The following AFF3 variants were observed in gnomAD, a reference collection of about 807,000 sequenced individuals.
The protein encoded by AFF3 is ALF transcription elongation factor 3.
In AFF3, 32 loss-of-function variants were observed where a neutral mutation model predicts 129.7. The observed-to-expected ratio is 0.25, with a 90% CI of 0.19 to 0.33. The LOEUF (loss-of-function observed/expected upper bound fraction) is 0.33. Among genes scored for constraint, AFF3 ranks in the 10% least tolerant of loss-of-function variants. The pLI, the probability that AFF3 is intolerant of heterozygous loss-of-function variation, is 1.00. For synonymous variants in AFF3, 644 were observed against 635.4 expected, an observed-to-expected ratio of 1.01 and a Z score of -0.20; for missense variants, 1,373 against 1,592.0, an observed-to-expected ratio of 0.86 and a Z score of 2.34.
At chr2:99,945,041 C>T (rs1024482802) in intron 7 of AFF3, among the ~76,000 whole-genome samples, 11 of 152,150 alleles carry the variant, frequency 7.2e-5, no homozygotes, top group African/African-American at 2.7e-4. Context: ...GCTGGAGTAA[C>T]AAAGGCATGA....
intron 7 of AFF3, among the ~76,000 whole-genome samples, chr2:99,901,050 A>G (rs1244266718): frequency 6.6e-6 from 1 of 152,238 alleles, no homozygotes; most frequent in Non-Finnish European, 1.5e-5. Context: ...GTGTGCGTAC[A>G]TGCATGTGTG....
chr2:99,845,759 C>T (rs1374425245), intron 7 of AFF3, among the ~76,000 whole-genome samples: 2 of 152,166 alleles, frequency 1.3e-5, no homozygotes, highest in African/African-American at 2.4e-5. Flanking sequence ...TACAGGCAAA[C>T]TTCAGTGAGA....
chr2:99,776,833 G>A (rs1683939706), intron 8 of AFF3, among the ~76,000 whole-genome samples: 1 of 152,190 alleles, frequency 6.6e-6, no homozygotes, highest in Non-Finnish European at 1.5e-5. Context: ...TCGGCTCTGA[G>A]GCATCTGATA....
chr2:99,925,678 T>C (rs1696187268), intron 7 of AFF3, among the ~76,000 whole-genome samples: 2 of 152,324 alleles, frequency 1.3e-5, no homozygotes, highest in African/African-American at 2.4e-5. Flanking sequence ...AGGGTTCAAG[T>C]CCTGGCCCTC....
intron 4 of AFF3, among the ~76,000 whole-genome samples, chr2:100,052,616 C>T (rs1442758946): frequency 6.6e-6 from 1 of 152,184 alleles, no homozygotes; most frequent in Non-Finnish European, 1.5e-5. Context: ...CTTACCCAGA[C>T]AGAGGAACTG....
intron 4 of AFF3, among the ~76,000 whole-genome samples, chr2:100,046,480 C>T (rs1414183398): frequency 2.6e-5 from 4 of 152,158 alleles, no homozygotes; most frequent in Non-Finnish European, 5.9e-5. Flanking sequence ...AACTAGGTTT[C>T]GACTGGCACT....
intron 8 of AFF3, among the ~76,000 whole-genome samples, chr2:99,822,641 A>C (rs1471994251): frequency 6.6e-6 from 1 of 152,112 alleles, no homozygotes; most frequent in East Asian, 1.9e-4. Flanking sequence ...CATTTCCACT[A>C]TCCAAGGGCT....
At position 100,078,474 on chromosome 2, in the gene AFF3, A is replaced by G. The variant is rs186619819; in HGVS notation, c.53+25928T>C. ...CTTTCAGAGAATTCTCTCTGCAGGAATATCTATGTAGGACTTGGATTTGAC... is the reference window on the plus strand; with the variant it reads ...CTTTCAGAGAATTCTCTCTGCAGGAGTATCTATGTAGGACTTGGATTTGAC... On this transcript the variant is annotated intron_variant, in intron 4 of 24. Transcript: ENST00000672756. 7.2e-5 allele frequency among the ~76,000 whole-genome samples: 11 copies of G among 152,310 alleles called. No homozygotes were observed. The East Asian group carries it at 1.5e-3, about 21-fold the overall frequency.
intron 11 of AFF3, among the ~76,000 whole-genome samples, chr2:99,723,734 A>G (rs1679108763): frequency 6.6e-6 from 1 of 152,142 alleles, no homozygotes; most frequent in African/African-American, 2.4e-5. Flanking sequence ...CCCAAAATTT[A>G]TATGTTGAAA....
At chr2:99,640,394 G>A (rs992546547) in intron 13 of AFF3, among the ~76,000 whole-genome samples, 18 of 151,902 alleles carry the variant, frequency 1.2e-4, no homozygotes, top group African/African-American at 3.6e-4. Context: ...AGGGAGAAAG[G>A]AAGCGCCTCT....
intron 14 of AFF3, among the ~76,000 whole-genome samples, chr2:99,599,525 G>T (rs867141874): frequency 6.6e-6 from 1 of 152,136 alleles, no homozygotes; most frequent in African/African-American, 2.4e-5. Flanking sequence ...CAAAGTGCTG[G>T]GATTACAGGC....
chr2:99,752,875 C>T (rs1472939314), intron 8 of AFF3, among the ~76,000 whole-genome samples: 5 of 152,106 alleles, frequency 3.3e-5, no homozygotes, highest in South Asian at 2.1e-4. Context: ...GTATTAAGAA[C>T]ACAACATGAG....
At chr2:99,603,569 G>C (rs908144039) in intron 13 of AFF3, among the ~76,000 whole-genome samples, 1 of 151,926 alleles carries the variant, frequency 6.6e-6, no homozygotes, top group Non-Finnish European at 1.5e-5. Flanking sequence ...ACATATGAAT[G>C]GGCAAAGATT....
At chr2:99,737,036 T>C (rs185894671) in intron 10 of AFF3, among the ~76,000 whole-genome samples, 63 of 152,346 alleles carry the variant, frequency 4.1e-4, no homozygotes, top group African/African-American at 1.4e-3. Flanking sequence ...TTGTAAGATG[T>C]TCTCCACATT....
chr2:99,939,042 A>T (rs774965518), intron 7 of AFF3, among the ~76,000 whole-genome samples: 1 of 152,234 alleles, frequency 6.6e-6, no homozygotes, highest in African/African-American at 2.4e-5. Context: ...GAGTACCAAC[A>T]TGACACTCAA....
chr2:99,716,295 T>C (rs954044184), intron 11 of AFF3, among the ~76,000 whole-genome samples: 2 of 152,146 alleles, frequency 1.3e-5, no homozygotes, highest in African/African-American at 2.4e-5. Flanking sequence ...ATGGTTATTG[T>C]CTCTAGAGAA....
chr2:99,622,538 C>T (rs1022135117), intron 13 of AFF3, among the ~76,000 whole-genome samples: 1 of 152,158 alleles, frequency 6.6e-6, no homozygotes, highest in African/African-American at 2.4e-5. Context: ...CTTTATTATT[C>T]CTGAGTATGG....
chr2:99,901,382 T>C (rs951269152), intron 7 of AFF3, among the ~76,000 whole-genome samples: 6 of 152,228 alleles, frequency 3.9e-5, no homozygotes, highest in Admixed American at 1.3e-4. Context: ...CAGCAATCTG[T>C]GTTTCTCCCG....
intron 10 of AFF3, among the ~76,000 whole-genome samples, chr2:99,741,675 C>T (rs1041009051): frequency 1.3e-5 from 2 of 152,012 alleles, no homozygotes; most frequent in African/African-American, 4.8e-5. Context: ...ATGCCATCCC[C>T]ATCAAGCTAC....
Sources: allele counts gnomAD v4.1 joint callset (sites outside exome capture counted in the v4.1 genomes callset), GRCh38; gene constraint gnomAD v4.1.1; transcripts MANE v1.5; gene names NCBI Gene and HGNC (gene_info 2026-07-23, HGNC 2026-07-21).